Variants in AGBL1 observed in about 807,000 individuals in gnomAD.
AGBL1 encodes AGBL carboxypeptidase 1, also known as cytosolic carboxypeptidase 4.
Under a neutral mutation model 118.9 loss-of-function variants are expected in AGBL1, and 130 were observed. The ratio of observed to expected loss-of-function variants is 1.09; its 90% CI spans 0.95 to 1.26. The LOEUF is 1.26. AGBL1 is among the 50% of genes most tolerant of loss of function. The pLI, the probability that AGBL1 is intolerant of heterozygous loss-of-function variation, is 0.00. For missense variants in AGBL1, 1,584 were observed against 1,298.1 expected, an observed-to-expected ratio of 1.22 and a Z score of -3.38; for synonymous variants, 555 against 478.9, an observed-to-expected ratio of 1.16 and a Z score of -2.08.
intron 17 of AGBL1, among the ~76,000 whole-genome samples, chr15:86,335,459 G>A (rs938339277): frequency 3.9e-5 from 6 of 152,114 alleles, no homozygotes; most frequent in Non-Finnish European, 8.8e-5. Context: ...GTTCGAAGAA[G>A]CTTCAGAAAG....
intron 17 of AGBL1, among the ~76,000 whole-genome samples, chr15:86,343,607 C>T (rs1288329932): frequency 6.6e-6 from 1 of 152,128 alleles, no homozygotes; most frequent in Non-Finnish European, 1.5e-5. Context: ...CATGTTTGTG[C>T]TCAGAAAACA....
At chr15:86,953,643 G>A (rs901925073) in intron 23 of AGBL1, among the ~76,000 whole-genome samples, 12 of 151,944 alleles carry the variant, frequency 7.9e-5, no homozygotes, top group South Asian at 4.2e-4. Flanking sequence ...CACCCACCTC[G>A]GCCTCCCAAA....
intron 22 of AGBL1, among the ~76,000 whole-genome samples, chr15:86,825,887 G>A (rs76047137): frequency 0.033 from 4,818 of 144,308 alleles, 281 homozygotes; most frequent in East Asian, 0.074. Context: ...ATAGATGGAT[G>A]GATAGATAGA....
intron 22 of AGBL1, among the ~76,000 whole-genome samples, chr15:86,862,613 C>T (rs145109604): frequency 9.2e-5 from 14 of 152,020 alleles, no homozygotes; most frequent in African/African-American, 3.4e-4. Flanking sequence ...CCCAGCTACT[C>T]GGAGGGCTGA....
chr15:86,274,080 A>G (rs1159895), intron 15 of AGBL1, among the ~76,000 whole-genome samples: 111,205 of 152,064 alleles, frequency 0.73, 41,582 homozygotes, highest in African/African-American at 0.88. Flanking sequence ...ATGCATTACT[A>G]TACTAATATA....
chr15:86,879,024 A>G (rs1381344600), intron 22 of AGBL1, among the ~76,000 whole-genome samples: 1 of 152,240 alleles, frequency 6.6e-6, no homozygotes, highest in Non-Finnish European at 1.5e-5. Context: ...AGCATGAGTC[A>G]GACCAAGAGG....
intron 5 of AGBL1, among the ~76,000 whole-genome samples, chr15:86,197,200 G>A (rs1404457666): frequency 6.6e-6 from 1 of 152,148 alleles, no homozygotes; most frequent in Non-Finnish European, 1.5e-5. Context: ...GGAGTTTTGA[G>A]GTGCATGCCA....
chr15:86,961,218 A>G (rs1316261067), intron 23 of AGBL1, among the ~76,000 whole-genome samples: 1 of 152,016 alleles, frequency 6.6e-6, no homozygotes, highest in Non-Finnish European at 1.5e-5. Flanking sequence ...AATGTTTACA[A>G]TTTTTGTCAC....
intron 21 of AGBL1, among the ~76,000 whole-genome samples, chr15:86,628,144 G>T (rs1231810059): frequency 1.3e-5 from 2 of 152,170 alleles, no homozygotes. Context: ...AAAATCACCT[G>T]TGGGTTTGTT....
intron 21 of AGBL1, among the ~76,000 whole-genome samples, chr15:86,640,121 C>A (rs1480143489): frequency 6.6e-6 from 1 of 152,192 alleles, no homozygotes; most frequent in Non-Finnish European, 1.5e-5. Flanking sequence ...TCATCATCCT[C>A]TAGCACATCT....
chr15:86,626,911 C>T (rs535264315), intron 21 of AGBL1, among the ~76,000 whole-genome samples: 1 of 148,964 alleles, frequency 6.7e-6, no homozygotes, highest in African/African-American at 2.5e-5. Context: ...AATCTTGGCT[C>T]ACTGCAACCT....
rs936963693 is a variant in AGBL1, at chr15:86,574,641, G to C, written c.2994+20104G>C. Among the ~76,000 whole-genome samples, 12 of 126,108 alleles carry C rather than the reference G, an allele frequency of 9.5e-5. 1 individual carries two copies. Among genetic ancestry groups the C allele is most frequent in the African/African-American group, 3.0e-4 (10 of 33,064 alleles). The allele number at this position is 126,108 out of a possible 152,430, so 82.7% of individuals were successfully genotyped here. On this transcript the variant is annotated intron_variant, in intron 21 of 22. Coordinates refer to ENST00000614907, the MANE Select transcript of AGBL1 (RefSeq NM_001386094.1). ...CACCCAGGCTGGAGTGCGATGGTGT[G>C]ATCTCGGCTTACTGCAATCTCCACC...
chr15:86,936,147 C>T (rs757942237), intron 23 of AGBL1, among the ~76,000 whole-genome samples: 1 of 152,190 alleles, frequency 6.6e-6, no homozygotes, highest in Non-Finnish European at 1.5e-5. Context: ...TGCACACCAT[C>T]TCAGCCACAC....
intron 21 of AGBL1, among the ~76,000 whole-genome samples, chr15:86,570,012 A>G (rs1362747947): frequency 1.3e-5 from 2 of 152,240 alleles, no homozygotes; most frequent in African/African-American, 2.4e-5. Context: ...GGAACAGACA[A>G]ACAAAATCAA....
rs144052953 is a variant in AGBL1, at chr15:86,319,490, C to A, written c.2374+24082C>A. The stretch of plus-strand genomic sequence containing the variant: ...TCTGTTCATCCTCTCCTCCCTCCCC[C>A]CACATTTTGCTATTGGTTTGTCTTT... On this transcript the variant is annotated intron_variant, in intron 17 of 22. Transcript: ENST00000614907. 4.1e-3 allele frequency among the ~76,000 whole-genome samples: 630 copies of A among 152,204 alleles called. 6 individuals are homozygous for A. The highest frequency in any genetic ancestry group is 0.014 in the African/African-American group (587 of 41,538).
chr15:86,857,048 C>T (rs1429715976), intron 22 of AGBL1, among the ~76,000 whole-genome samples: 1 of 152,122 alleles, frequency 6.6e-6, no homozygotes, highest in Non-Finnish European at 1.5e-5. Flanking sequence ...ATCCAGAAAC[C>T]CAGACCCCAG....
intron 1 of AGBL1, among the ~76,000 whole-genome samples, chr15:86,106,365 G>T (rs1404072118): frequency 6.6e-6 from 1 of 152,162 alleles, no homozygotes; most frequent in Non-Finnish European, 1.5e-5. Flanking sequence ...GCATGGAGAA[G>T]GAGGGTTGAT....
intron 22 of AGBL1, among the ~76,000 whole-genome samples, chr15:86,678,540 A>C (rs2085890694): frequency 6.6e-6 from 1 of 152,096 alleles, no homozygotes; most frequent in South Asian, 2.1e-4. Flanking sequence ...TGTTAAAGGT[A>C]CTCAACTTCT....
intron 1 of AGBL1, among the ~76,000 whole-genome samples, chr15:86,141,715 G>T (rs547439594): frequency 4.7e-4 from 72 of 152,276 alleles, no homozygotes; most frequent in African/African-American, 1.7e-3. Context: ...GGCCCACAAA[G>T]CCCCTTTTAC....
Sources: gnomAD v4.1 joint callset for allele counts (sites outside exome capture counted in the v4.1 genomes callset) on GRCh38, gnomAD v4.1.1 for gene constraint, MANE v1.5 for transcripts, NCBI Gene and HGNC (gene_info 2026-07-23, HGNC 2026-07-21) for gene names.